Variants in DNAH2 observed in about 807,000 individuals in gnomAD.
The protein encoded by DNAH2 is axonemal beta dynein heavy chain 2.
A neutral mutation model predicts 523.5 loss-of-function variants in DNAH2; 323 were observed. The observed-to-expected ratio is 0.62, with a 90% CI of 0.56 to 0.68. The LOEUF is 0.68. Among genes scored for constraint, DNAH2 ranks in the 30% least tolerant of loss-of-function variants. DNAH2 has a pLI of 0.00. For missense variants in DNAH2, 4,907 were observed against 5,701.5 expected (o/e 0.86, Z 4.49); for synonymous variants, 2,093 against 2,177.4 (o/e 0.96, Z 1.08).
rs1192453634 is a variant in DNAH2 at position 7,831,227 on chromosome 17, T to A, written c.12372T>A (p.Thr4124=). The A allele has an allele frequency of 6.2e-7, 1 of 1,614,066 alleles. No individual in the cohort carries two copies. The highest frequency in any genetic ancestry group is 8.5e-7 in the Non-Finnish European group (1 of 1,180,040). Residue 4124 remains threonine (T), a synonymous_variant, in exon 80 of 86, where the codon ACT becomes ACA. Coordinates refer to ENST00000572933, the MANE Select transcript of DNAH2 (RefSeq NM_020877.5). This position sits in a 1 kb window ranked among gnomAD's most constrained non-coding sequence, Gnocchi z 4.2. ...ATGCTGATGTGGCCTCTCAGATCAC[T>A]GAGGCACAAACCCTCTTTGATACTT... ...HPNADVASQI[T]EAQTLFDTLL...
chr17:7,821,495 A>C lies in DNAH2; in HGVS notation c.11142+126A>C. 1 of 1,351,010 alleles carries C rather than the reference A, an allele frequency of 7.4e-7. No individual in the cohort carries two copies. The highest frequency in any genetic ancestry group is 1.5e-5 in the South Asian group (1 of 65,204). The allele number at this position is 1,351,010 out of a possible 1,614,324, so 83.7% of individuals were successfully genotyped here. ...ATCAGTGAGTGAGCTGAGAAAATCC[A>C]GGCCAGCATCAGGTGCATGGTGAGC... On this transcript the variant is annotated intron_variant, in intron 73 of 85. Coordinates refer to ENST00000572933, the MANE Select transcript of DNAH2 (RefSeq NM_020877.5). This position sits in a 1 kb window ranked among gnomAD's most constrained non-coding sequence, Gnocchi z 5.0.
intron 9 of DNAH2, among the ~76,000 whole-genome samples, chr17:7,740,181 A>G (rs1274332991): frequency 6.6e-6 from 1 of 151,940 alleles, no homozygotes; most frequent in Non-Finnish European, 1.5e-5. Context: ...GATATATGAC[A>G]TTGGGCAAAT....
chr17:7,819,244 G>C lies in DNAH2; in HGVS notation c.10851G>C (p.Leu3617=), dbSNP rs367858085. The C allele has an allele frequency of 1.2e-6, 2 of 1,614,050 alleles. No individual in the cohort carries two copies. Among genetic ancestry groups the C allele is most frequent in the Admixed American group, 3.3e-5 (2 of 60,034 alleles). ...CATGCGCCCAGCGGGCATCAATCCT[G>C]TTCTTCGTGCTCAATGATATGGGCT... is the stretch of plus-strand genomic sequence containing the variant. ...YRPCAQRASI[L]FFVLNDMGCI... Residue 3617 remains leucine (L), a synonymous_variant, in exon 72 of 86, where the codon CTG becomes CTC. Coordinates refer to ENST00000572933, the MANE Select transcript of DNAH2 (RefSeq NM_020877.5).
Position 7,824,185 on chromosome 17 carries a change from C to T in DNAH2, c.11543C>T (p.Thr3848Ile), listed in dbSNP as rs2077953288. 1 of 1,604,880 alleles carries T rather than the reference C, an allele frequency of 6.2e-7. No individual in the cohort carries two copies. The highest frequency in any genetic ancestry group is 8.5e-7 in the Non-Finnish European group (1 of 1,177,532). Reference protein sequence around the residue: ...VFILSPGVDPTSALLQLAEHM... With the variant: ...VFILSPGVDPISALLQLAEHM... Reference sequence around the variant, plus strand: ...ATCCTGTCCCCTGGTGTGGACCCCACCAGTGCCCTGCTGCAGCTGGCAGAG... The same window carrying T: ...ATCCTGTCCCCTGGTGTGGACCCCATCAGTGCCCTGCTGCAGCTGGCAGAG... Residue 3848 changes from threonine (T) to isoleucine (I), a missense_variant, in exon 76 of 86, where the codon ACC becomes ATC. Thr to Ile is a moderately conservative substitution (Grantham distance 89). This residue lies in a region of DNAH2 where 1,851 missense variants were observed against 2,139.4 expected (regional missense o/e 0.87). Coordinates refer to ENST00000572933, the MANE Select transcript of DNAH2 (RefSeq NM_020877.5).
intron 61 of DNAH2, among the ~76,000 whole-genome samples, chr17:7,806,591 G>A (rs771332668): frequency 9.3e-5 from 14 of 150,048 alleles, no homozygotes; most frequent in African/African-American, 2.2e-4. Flanking sequence ...TCTGGGAGGC[G>A]GAGCTTGCAG....
chr17:7,760,435 C>T lies in DNAH2; in HGVS notation c.2786-305C>T, dbSNP rs368546292. Among the ~76,000 whole-genome samples the T allele has an allele frequency of 1.3e-4, 20 of 151,224 alleles. No homozygotes were observed. The East Asian group carries it at 3.5e-3, about 26-fold the overall frequency. On this transcript the variant is annotated intron_variant, in intron 17 of 85. Coordinates refer to ENST00000572933, the MANE Select transcript of DNAH2 (RefSeq NM_020877.5). The surrounding 1 kb of genome is among the most constrained non-coding windows in gnomAD (Gnocchi z 4.0). ...TTGGATGGGGGTTGAGATTAGGTGACTGATGCTCATGGGTTTTGGGATTTG... is the reference window on the plus strand; with the variant it reads ...TTGGATGGGGGTTGAGATTAGGTGATTGATGCTCATGGGTTTTGGGATTTG...
chr17:7,801,026 C>T (rs1463448495), intron 56 of DNAH2, among the ~76,000 whole-genome samples: 1 of 151,520 alleles, frequency 6.6e-6, no homozygotes. Context: ...GCGCATGCCA[C>T]CACGGCCAGC....
At chr17:7,751,116 GTTATTTATT>G (rs1408007428) in intron 12 of DNAH2, among the ~76,000 whole-genome samples, 1 of 150,346 alleles carries the variant, frequency 6.7e-6, no homozygotes, top group African/African-American at 2.4e-5. Context: ...AAAAAATCAA[GTTATTTATT>G]TATTTATTTA....
intron 4 of DNAH2, among the ~76,000 whole-genome samples, chr17:7,732,029 C>CAA (rs35844931): frequency 8.5e-6 from 1 of 118,206 alleles, no homozygotes; most frequent in Non-Finnish European, 1.8e-5. Context: ...AACTTCGTCT[C>CAA]AAAAAAAAAA....
Position 7,824,523 on chromosome 17 carries a change from G to A in DNAH2, c.11663-14G>A. Reference sequence around the variant, plus strand: ...TAGGAAATGATTCCCACTGACCCTGGCATCTCCTTGCAGGACACTGGGTGT... The same window carrying A: ...TAGGAAATGATTCCCACTGACCCTGACATCTCCTTGCAGGACACTGGGTGT... On this transcript the variant is annotated splice_polypyrimidine_tract_variant and intron_variant, in intron 76 of 85. Coordinates refer to ENST00000572933, the MANE Select transcript of DNAH2 (RefSeq NM_020877.5). The A allele has an allele frequency of 1.3e-6, 2 of 1,528,422 alleles. No individual in the cohort carries two copies. The highest frequency in any genetic ancestry group is 1.8e-6 in the Non-Finnish European group (2 of 1,128,516). 94.7% of individuals were successfully genotyped at this position (1,528,422 alleles called of 1,614,324 possible).
chr17:7,720,335 A>G (rs745447571), intron 2 of DNAH2, among the ~76,000 whole-genome samples: 12 of 152,140 alleles, frequency 7.9e-5, no homozygotes, highest in Admixed American at 4.6e-4. Context: ...CTTTGAATCC[A>G]AAGCCCGGCT....
At chr17:7,743,394 G>T (rs548262075) in intron 12 of DNAH2, 6 of 700,964 alleles carry the variant, frequency 8.6e-6, no homozygotes, top group Non-Finnish European at 1.3e-5. Context: ...GGCCAGGCAC[G>T]GTGGCTCACA....
At chr17:7,758,732 A>T in intron 14 of DNAH2, 81 bp downstream of exon 14, 1 of 1,562,508 alleles carries the variant, frequency 6.4e-7, no homozygotes, top group Non-Finnish European at 8.6e-7. Flanking sequence ...AGATTGGGAA[A>T]CCTGGGGGTA....
intron 63 of DNAH2, among the ~76,000 whole-genome samples, chr17:7,811,061 C>A (rs542918536): frequency 6.4e-4 from 97 of 152,288 alleles, no homozygotes; most frequent in African/African-American, 2.3e-3. Context: ...CAAGTCTGAA[C>A]ATTCCCATTT....
At chr17:7,718,995 G>A (rs1458150489) in intron 1 of DNAH2, among the ~76,000 whole-genome samples, 196 bp downstream of exon 1, 1 of 152,162 alleles carries the variant, frequency 6.6e-6, no homozygotes, top group Non-Finnish European at 1.5e-5. Context: ...TCATGGTCCT[G>A]GAGGGTAGAG....
At chr17:7,725,815 A>G (rs2074790005) in intron 3 of DNAH2, among the ~76,000 whole-genome samples, 1 of 151,126 alleles carries the variant, frequency 6.6e-6, no homozygotes, top group African/African-American at 2.4e-5. Flanking sequence ...CTATTTGTTT[A>G]TTGAGTTTTT....
At chr17:7,739,563 C>G (rs892939497) in intron 8 of DNAH2, among the ~76,000 whole-genome samples, 170 bp from the exon 9 acceptor site, 8 of 152,092 alleles carry the variant, frequency 5.3e-5, no homozygotes, top group African/African-American at 1.9e-4. Flanking sequence ...CAGCAGCCCC[C>G]TGCAGCTGGT....
rs140684109 is a variant in DNAH2 at position 7,824,229 on chromosome 17, C to A, written c.11587C>A (p.Arg3863Ser). ...QLAEHMGMAQRFHALSLGQGQ... is the reference protein window; with the variant it reads ...QLAEHMGMAQSFHALSLGQGQ... ...GGCAGAGCACATGGGCATGGCCCAG[C>A]GCTTCCACGCCCTGTCCCTGGGCCA... The change falls in exon 76 of 86, where the codon CGC (arginine) becomes AGC (serine). Residue 3863 changes from arginine (R) to serine (S), a missense_variant. This residue lies in a region of DNAH2 where 1,851 missense variants were observed against 2,139.4 expected (regional missense o/e 0.87). Transcript: ENST00000572933. The A allele has an allele frequency of 6.2e-7, 1 of 1,605,912 alleles. No individual in the cohort carries two copies. Among genetic ancestry groups the A allele is most frequent in the East Asian group, 2.2e-5 (1 of 44,774 alleles).
Position 7,807,440 on chromosome 17 carries a change from G to T in DNAH2, c.9613-30G>T. The T allele has an allele frequency of 1.2e-6, 2 of 1,610,900 alleles. No homozygotes were observed. On this transcript the variant is annotated intron_variant, in intron 62 of 85. Coordinates refer to ENST00000572933, the MANE Select transcript of DNAH2 (RefSeq NM_020877.5). This position sits in a 1 kb window ranked among gnomAD's most constrained non-coding sequence, Gnocchi z 5.6. ...TGAGGGGGTTGGTGGGTTGGTGGGC[G>T]ACTCCCACAGCCTGACTGTCTCCCC...
Sources: gnomAD v4.1 joint callset for allele counts (sites outside exome capture counted in the v4.1 genomes callset) on GRCh38, gnomAD v4.1.1 for gene constraint, gnomAD v4.1.1 regional missense constraint, Gnocchi (gnomAD v3.1) non-coding constraint, MANE v1.5 for transcripts, NCBI Gene and HGNC (gene_info 2026-07-23, HGNC 2026-07-21) for gene names.